Variants in ABCC2 observed in about 807,000 individuals in gnomAD.
ABCC2 encodes ATP binding cassette subfamily C member 2.
ABCC2 carries 157 observed loss-of-function variants against 173.4 expected under a neutral mutation model. The ratio of observed to expected loss-of-function variants is 0.91; its 90% CI spans 0.80 to 1.03. The LOEUF (loss-of-function observed/expected upper bound fraction) is 1.03. ABCC2 is among the 50% of genes least tolerant of loss of function. ABCC2 has a pLI of 0.00. For missense variants in ABCC2, 1,822 were observed against 1,852.3 expected (o/e 0.98, Z 0.30); for synonymous variants, 657 against 693.5 (o/e 0.95, Z 0.83).
Position 99,799,389 on chromosome 10 carries a change from G to T in ABCC2, c.1031+19G>T. The T allele has an allele frequency of 6.2e-7, 1 of 1,613,954 alleles. No homozygotes were observed. The highest frequency in any genetic ancestry group is 1.1e-5 in the South Asian group (1 of 91,076). On this transcript the variant is annotated intron_variant, in intron 8 of 31. Coordinates refer to ENST00000647814, the MANE Select transcript of ABCC2 (RefSeq NM_000392.5). ...TGCTGAAGTGAGTCTCCAGGCCTCA[G>T]ATGGTCCTTTCAGGGCCTCCTCTGC...
chr10:99,814,183 GTATACACACATGTGTATA>G (rs1332510614), intron 16 of ABCC2, among the ~76,000 whole-genome samples: 3,508 of 79,016 alleles, frequency 0.044, 670 homozygotes, highest in South Asian at 0.084. Flanking sequence ...ACACATGTAT[GTATACACACATGTGTATA>G]TATACACACA....
chr10:99,842,341 AT>A (rs1397491942), intron 26 of ABCC2, among the ~76,000 whole-genome samples: 2 of 152,158 alleles, frequency 1.3e-5, no homozygotes, highest in Non-Finnish European at 2.9e-5. Flanking sequence ...GCAATTTCAT[AT>A]GTTTCAATCT....
chr10:99,806,797 T>C (rs1485185201), intron 11 of ABCC2, among the ~76,000 whole-genome samples: 1 of 152,262 alleles, frequency 6.6e-6, no homozygotes, highest in Non-Finnish European at 1.5e-5. Flanking sequence ...TTTAACTAAA[T>C]ATTGTTTTGA....
chr10:99,786,395 A>T (rs985698621), intron 2 of ABCC2, among the ~76,000 whole-genome samples: 17 of 152,396 alleles, frequency 1.1e-4, no homozygotes, highest in African/African-American at 4.1e-4. Context: ...CTTGGAATTG[A>T]GTCATTGTTC....
intron 30 of ABCC2, among the ~76,000 whole-genome samples, chr10:99,849,321 A>G (rs1277476630): frequency 1.3e-5 from 2 of 152,210 alleles, no homozygotes; most frequent in East Asian, 1.9e-4. Context: ...TTACAGCATA[A>G]TGAAGACAGA....
chr10:99,796,515 A>G (rs1168742346), intron 6 of ABCC2, among the ~76,000 whole-genome samples: 1 of 152,010 alleles, frequency 6.6e-6, no homozygotes. Context: ...ACAGAAACAA[A>G]AAAAGAAGAA....
intron 12 of ABCC2, 149 bp downstream of exon 12, chr10:99,807,670 C>T: frequency 2.6e-6 from 3 of 1,135,080 alleles, no homozygotes; most frequent in Non-Finnish European, 3.9e-6. Flanking sequence ...CCCCATGCCA[C>T]TTTTCCTCCT....
rs1164232902 is a variant in ABCC2 at position 99,814,293 on chromosome 10, G to A, written c.2094+1149G>A. Among the ~76,000 whole-genome samples, 6 of 71,964 alleles carry A rather than the reference G, an allele frequency of 8.3e-5. 1 individual carries two copies. Among genetic ancestry groups the A allele is most frequent in the African/African-American group, 2.6e-4 (4 of 15,526 alleles). The allele number at this position is 71,964 out of a possible 152,430, so 47.2% of individuals were successfully genotyped here. On this transcript the variant is annotated intron_variant, in intron 16 of 31. Transcript: ENST00000647814. ...TATACACACGTATGTATACACACACGTATGTATACACACATGTATATACAC... is the reference window on the plus strand; with the variant it reads ...TATACACACGTATGTATACACACACATATGTATACACACATGTATATACAC...
chr10:99,792,198 G>C lies in ABCC2; in HGVS notation c.208-36G>C, dbSNP rs1185569080. The C allele has an allele frequency of 4.3e-6, 7 of 1,612,842 alleles. No homozygotes were observed. In the African/African-American group the frequency reaches 8.0e-5, roughly 18 times the overall value. Reference sequence around the variant, plus strand: ...CTGTTCTAAGAGCCTTATAAAGAATGATATCCTCTTAACAGTGGTCTTTTT... The same window carrying C: ...CTGTTCTAAGAGCCTTATAAAGAATCATATCCTCTTAACAGTGGTCTTTTT... On this transcript the variant is annotated intron_variant, in intron 2 of 31. Coordinates refer to ENST00000647814, the MANE Select transcript of ABCC2 (RefSeq NM_000392.5).
At position 99,804,099 on chromosome 10, in the gene ABCC2, GC is replaced by G. The variant is rs1208873596; in HGVS notation, c.1291del (p.Leu431SerfsTer4). On this transcript the variant is annotated frameshift_variant, in exon 10 of 32. Coordinates refer to ENST00000647814, the MANE Select transcript of ABCC2 (RefSeq NM_000392.5). LOFTEE classifies it high-confidence loss of function. ...ACCTGATGTCTGTGGATGCCCAGAA[GC>G]TCATGGATGTGACCAACTTCATGCA... ...VNLMSVDAQK[L>X]MDVTNFMHML... The G allele has an allele frequency of 3.1e-6, 5 of 1,614,064 alleles. No homozygotes were observed. Among genetic ancestry groups the G allele is most frequent in the Non-Finnish European group, 4.2e-6 (5 of 1,180,044 alleles).
At chr10:99,795,377 T>G (rs528259028) in intron 6 of ABCC2, among the ~76,000 whole-genome samples, 34 of 152,280 alleles carry the variant, frequency 2.2e-4, no homozygotes, top group African/African-American at 7.5e-4. Context: ...TTAAAGTAGT[T>G]ATGAGCATAA....
chr10:99,831,518 G>C lies in ABCC2; in HGVS notation c.2884-93G>C. The C allele has an allele frequency of 2.4e-6, 3 of 1,254,242 alleles. No homozygotes were observed. The South Asian group carries it at 3.6e-5, about 15-fold the overall frequency. 77.7% of individuals were successfully genotyped at this position (1,254,242 alleles called of 1,614,324 possible). ...GCTACCTGCTACCCATGCTCCCAGG[G>C]GACTCCACTTCTCCTTGTGGTTGGC... On this transcript the variant is annotated intron_variant, in intron 21 of 31. Coordinates refer to ENST00000647814, the MANE Select transcript of ABCC2 (RefSeq NM_000392.5).
At chr10:99,818,761 T>C (rs1057484298) in intron 17 of ABCC2, 29 bp from the exon 18 acceptor site, 1 of 1,613,062 alleles carries the variant, frequency 6.2e-7, no homozygotes, top group Non-Finnish European at 8.5e-7. Flanking sequence ...TAGGGAGTAG[T>C]GCTTAATATG....
At chr10:99,831,388 A>G (rs773657582) in intron 21 of ABCC2, among the ~76,000 whole-genome samples, 4 of 152,106 alleles carry the variant, frequency 2.6e-5, no homozygotes, top group Non-Finnish European at 4.4e-5. Context: ...CTCCTCTTAA[A>G]TGCCTTTAGC....
intron 6 of ABCC2, chr10:99,794,692 G>C: frequency 4.0e-6 from 2 of 499,476 alleles, no homozygotes; most frequent in Non-Finnish European, 7.2e-6. Flanking sequence ...TTACAGGTGT[G>C]AGCTACCATG....
chr10:99,851,814 C>A lies in ABCC2; in HGVS notation c.*183C>A. ...TAAATGTCACCAGGTACTTGAGAAA[C>A]CCCTCGATTGTCTACCTCGATCGTA... is the stretch of plus-strand genomic sequence containing the variant. On this transcript the variant is annotated 3_prime_UTR_variant, in exon 32 of 32. Transcript: ENST00000647814. 3.5e-6 allele frequency: 2 copies of A among 566,188 alleles called. No homozygotes were observed. Among genetic ancestry groups the A allele is most frequent in the South Asian group, 2.9e-5 (1 of 34,744 alleles). The allele number at this position is 566,188 out of a possible 1,614,324, so 35.1% of individuals were successfully genotyped here.
intron 19 of ABCC2, among the ~76,000 whole-genome samples, chr10:99,828,187 G>T (rs1010302665): frequency 2.7e-4 from 41 of 151,552 alleles, no homozygotes; most frequent in African/African-American, 8.3e-4. Context: ...CTCCTTTGAA[G>T]AATCCTGTCT....
intron 1 of ABCC2, 31 bp downstream of exon 1, chr10:99,782,908 T>C: frequency 6.2e-7 from 1 of 1,611,492 alleles, no homozygotes; most frequent in Non-Finnish European, 8.5e-7. Context: ...TCATATTGAC[T>C]CTTCTCAGAC....
chr10:99,841,871 T>C, intron 25 of ABCC2, 96 bp from the exon 26 acceptor site: 1 of 1,583,928 alleles, frequency 6.3e-7, no homozygotes, highest in Non-Finnish European at 8.6e-7. Context: ...CCCGATCAAG[T>C]CAAACCCTCT....
Sources: gnomAD v4.1 joint callset for allele counts (sites outside exome capture counted in the v4.1 genomes callset) on GRCh38, gnomAD v4.1.1 for gene constraint, MANE v1.5 for transcripts, NCBI Gene and HGNC (gene_info 2026-07-23, HGNC 2026-07-21) for gene names.